Variants in ADD3 observed in about 807,000 individuals in gnomAD.
ADD3 encodes adducin 3, also known as gamma-adducin.
ADD3 carries 25 observed loss-of-function variants against 80.2 expected under a neutral mutation model. That is an observed-to-expected ratio of 0.31 (90% confidence interval 0.23 to 0.44). The LOEUF (loss-of-function observed/expected upper bound fraction) is 0.44. Among genes scored for constraint, ADD3 ranks in the 20% least tolerant of loss-of-function variants. The pLI is 1.00. For synonymous variants in ADD3, 284 were observed against 289.6 expected (o/e 0.98, Z 0.20); for missense variants, 829 against 847.5 (o/e 0.98, Z 0.27).
At chr10:109,997,111 A>G (rs778173543) in intron 1 of ADD3, among the ~76,000 whole-genome samples, 3 of 152,234 alleles carry the variant, frequency 2.0e-5, no homozygotes, top group Non-Finnish European at 4.4e-5. Flanking sequence ...GAGAAAGCTG[A>G]AGAATAGGGT....
intron 1 of ADD3, among the ~76,000 whole-genome samples, chr10:110,067,216 G>A (rs1844063140): frequency 6.6e-6 from 1 of 152,162 alleles, no homozygotes; most frequent in East Asian, 1.9e-4. Context: ...ATTTCCTAGA[G>A]TGTAGTAAAG....
chr10:110,109,778 C>T (rs1849785513), intron 2 of ADD3, among the ~76,000 whole-genome samples: 1 of 152,104 alleles, frequency 6.6e-6, no homozygotes, highest in Non-Finnish European at 1.5e-5. Context: ...TTTTTCCTTT[C>T]AGCCTTAAGC....
intron 12 of ADD3, among the ~76,000 whole-genome samples, chr10:110,129,824 G>GT (rs993303540): frequency 5.3e-5 from 8 of 151,752 alleles, no homozygotes; most frequent in Non-Finnish European, 1.0e-4. Context: ...GTTTTGTTTT[G>GT]TTTTTTTCTA....
At chr10:110,001,943 G>C (rs947039825), upstream of ADD3, among the ~76,000 whole-genome samples, 1 of 152,156 alleles carries the variant, frequency 6.6e-6, no homozygotes, top group South Asian at 2.1e-4. Context: ...CGTATTTTAG[G>C]TTTCACATAG....
At chr10:109,999,993 C>G (rs1351685999) in intron 1 of ADD3, among the ~76,000 whole-genome samples, 1 of 149,680 alleles carries the variant, frequency 6.7e-6, no homozygotes, top group Non-Finnish European at 1.5e-5. Flanking sequence ...GATCTCGGCT[C>G]ACTGCAACCT....
chr10:110,057,701 G>A (rs1367307557), intron 1 of ADD3, among the ~76,000 whole-genome samples: 1 of 152,130 alleles, frequency 6.6e-6, no homozygotes, highest in African/African-American at 2.4e-5. Flanking sequence ...AGGAAGGCAG[G>A]AAGCTTGTTC....
intron 1 of ADD3, among the ~76,000 whole-genome samples, chr10:110,016,270 C>CCAGG (rs1451048098): frequency 6.6e-6 from 1 of 152,200 alleles, no homozygotes; most frequent in Non-Finnish European, 1.5e-5. Flanking sequence ...CCTGGAGAAA[C>CCAGG]CAGGCCCAGC....
At chr10:110,126,362 G>A in intron 11 of ADD3, 55 bp from the exon 12 acceptor site, 2 of 1,313,044 alleles carry the variant, frequency 1.5e-6, no homozygotes, top group Non-Finnish European at 2.2e-6. Context: ...ATAAAGCAAA[G>A]GTCATCTGCA....
Position 110,008,294 on chromosome 10 carries a change from T to A in ADD3, c.-35T>A, listed in dbSNP as rs552921230. 6.6e-6 allele frequency: 1 copy of A among 152,306 alleles called. No individual in the cohort carries two copies. The highest frequency in any genetic ancestry group is 1.9e-4 in the East Asian group (1 of 5,156). The allele number at this position is 152,306 out of a possible 1,614,324, so 9.4% of individuals were successfully genotyped here. A position where few individuals can be genotyped will look rare whatever the true frequency, so the allele number is the denominator to read the frequency against. On this transcript the variant is annotated 5_prime_UTR_variant, in exon 1 of 15. Coordinates refer to ENST00000356080, the MANE Select transcript of ADD3 (RefSeq NM_016824.5). ...GGGAAACACAAAGCCGGCTACGCGC[T>A]GCGAGGTAATCTTGCGGGGAGAGGA... is the stretch of plus-strand genomic sequence containing the variant.
At chr10:110,007,273 G>A (rs543574571), upstream of ADD3, among the ~76,000 whole-genome samples, 1 of 152,318 alleles carries the variant, frequency 6.6e-6, no homozygotes, top group Admixed American at 6.5e-5. Flanking sequence ...TGAAGCAGAA[G>A]CGAGAGCCCC....
intron 1 of ADD3, among the ~76,000 whole-genome samples, chr10:110,049,748 G>A (rs1235981108): frequency 2.0e-5 from 3 of 152,102 alleles, no homozygotes; most frequent in African/African-American, 2.4e-5. Context: ...TTAGCTGGGC[G>A]TTGTGGCAGG....
upstream of ADD3, among the ~76,000 whole-genome samples, chr10:110,007,724 G>A (rs1200914340): frequency 2.0e-5 from 3 of 152,178 alleles, no homozygotes; most frequent in African/African-American, 7.2e-5. Flanking sequence ...TTGAGGGCGC[G>A]GAGGGGGCTG....
rs60847716 is a variant in ADD3, at chr10:110,126,647, A to T, written c.1608+144A>T. 2,199 of 629,216 alleles carry T rather than the reference A, an allele frequency of 3.5e-3. 43 individuals carry two copies. The African/African-American group carries it at 0.038, about 11-fold the overall frequency. The allele number at this position is 629,216 out of a possible 1,614,324, so 39.0% of individuals were successfully genotyped here. The stretch of plus-strand genomic sequence containing the variant: ...TCACAAGATTTAAAATGTCACCCAC[A>T]ATTCCCAGTTTCCAGGTGCAGCAAC... On this transcript the variant is annotated intron_variant, in intron 12 of 14. Transcript: ENST00000356080.
chr10:110,061,987 G>T (rs946877617), intron 1 of ADD3, among the ~76,000 whole-genome samples: 1 of 151,966 alleles, frequency 6.6e-6, no homozygotes, highest in African/African-American at 2.4e-5. Context: ...AACACTTTGG[G>T]GTTCCAGGGC....
intron 1 of ADD3, among the ~76,000 whole-genome samples, chr10:109,998,750 C>T (rs900182711): frequency 4.6e-5 from 7 of 152,096 alleles, no homozygotes; most frequent in Admixed American, 6.5e-5. Flanking sequence ...CTTGTCTCTC[C>T]AGCTGCCGAC....
intron 9 of ADD3, chr10:110,123,787 G>A (rs1439653135): frequency 2.0e-5 from 10 of 507,124 alleles, no homozygotes; most frequent in Non-Finnish European, 3.5e-5. Flanking sequence ...GAACAGTTGT[G>A]TGAGTGGAAA....
intron 1 of ADD3, among the ~76,000 whole-genome samples, chr10:110,035,866 C>T (rs1855578011): frequency 6.6e-6 from 1 of 152,138 alleles, no homozygotes; most frequent in South Asian, 2.1e-4. Flanking sequence ...CGAAGCCTAT[C>T]ATCTGCCAGG....
intron 1 of ADD3, among the ~76,000 whole-genome samples, chr10:110,081,100 G>A (rs1373504037): frequency 6.6e-6 from 1 of 152,160 alleles, no homozygotes; most frequent in Non-Finnish European, 1.5e-5. Flanking sequence ...CAATAAGGTA[G>A]GAGAGAGAGT....
chr10:110,129,153 T>TCTTTC (rs1016073002), intron 12 of ADD3, among the ~76,000 whole-genome samples: 3 of 149,798 alleles, frequency 2.0e-5, no homozygotes, highest in African/African-American at 7.4e-5. Context: ...TTTCTTTCTT[T>TCTTTC]TTTTTTTTTT....
Sources: gnomAD v4.1 joint callset for allele counts (sites outside exome capture counted in the v4.1 genomes callset) on GRCh38, gnomAD v4.1.1 for gene constraint, MANE v1.5 for transcripts, NCBI Gene and HGNC (gene_info 2026-07-23, HGNC 2026-07-21) for gene names.